The following ROR2 variants were observed in gnomAD, a reference collection of about 807,000 sequenced individuals.
ROR2 encodes ROR family WNT receptor 2.
ROR2 carries 33 observed loss-of-function variants against 74.9 expected under a neutral mutation model. The ratio of observed to expected loss-of-function variants is 0.44; its 90% CI spans 0.33 to 0.59. The LOEUF (loss-of-function observed/expected upper bound fraction) is 0.59, where lower values mean the gene tolerates loss of function less well. Among genes scored for constraint, ROR2 ranks in the 20% least tolerant of loss-of-function variants. The pLI, the probability that ROR2 is intolerant of heterozygous loss-of-function variation, is 0.02. For synonymous variants in ROR2, 586 were observed against 558.7 expected (o/e 1.05, Z -0.69); for missense variants, 1,216 against 1,313.8 (o/e 0.93, Z 1.15).
At chr9:91,827,103 T>C (rs566331693) in intron 1 of ROR2, among the ~76,000 whole-genome samples, 18 of 152,278 alleles carry the variant, frequency 1.2e-4, no homozygotes, top group African/African-American at 3.8e-4. Flanking sequence ...ATTTCATAAA[T>C]TGAACTTCCT....
intron 1 of ROR2, among the ~76,000 whole-genome samples, chr9:91,776,483 T>C (rs1406606005): frequency 6.6e-6 from 1 of 152,182 alleles, no homozygotes; most frequent in African/African-American, 2.4e-5. Flanking sequence ...CTGCAAACCA[T>C]ACACCTCTCC....
intron 1 of ROR2, among the ~76,000 whole-genome samples, chr9:91,843,833 T>C (rs16907873): frequency 0.17 from 25,175 of 152,190 alleles, 3,343 homozygotes; most frequent in African/African-American, 0.37. Context: ...CTCGTTTAGT[T>C]AGAAGGGCTT....
intron 1 of ROR2, among the ~76,000 whole-genome samples, chr9:91,922,314 T>A (rs150210527): frequency 6.6e-6 from 1 of 151,980 alleles, no homozygotes; most frequent in African/African-American, 2.4e-5. Context: ...CCAAAAGAAA[T>A]TGAAGACTTG....
At chr9:91,852,114 G>GT (rs1029170651) in intron 1 of ROR2, among the ~76,000 whole-genome samples, 7 of 151,552 alleles carry the variant, frequency 4.6e-5, no homozygotes, top group African/African-American at 4.9e-5. Flanking sequence ...GCTGCTACTG[G>GT]TTTTTTTTCT....
At chr9:91,857,990 C>CGGAT (rs1482355855) in intron 1 of ROR2, among the ~76,000 whole-genome samples, 4 of 152,150 alleles carry the variant, frequency 2.6e-5, no homozygotes, top group African/African-American at 9.7e-5. Context: ...ACAGGTCCTC[C>CGGAT]GGATATAGGC....
At chr9:91,752,185 T>C (rs1317861428) in intron 4 of ROR2, among the ~76,000 whole-genome samples, 3 of 152,172 alleles carry the variant, frequency 2.0e-5, no homozygotes, top group Non-Finnish European at 4.4e-5. Flanking sequence ...AGGAATGTCT[T>C]ATAAAATTAA....
At chr9:91,767,050 T>G (rs893174970) in intron 2 of ROR2, among the ~76,000 whole-genome samples, 9 of 150,694 alleles carry the variant, frequency 6.0e-5, no homozygotes, top group African/African-American at 2.2e-4. Context: ...CTGCTCTGTC[T>G]CACAGTCAGA....
intron 1 of ROR2, among the ~76,000 whole-genome samples, chr9:91,833,289 C>T (rs1471835846): frequency 6.6e-6 from 1 of 152,168 alleles, no homozygotes. Context: ...TGGGCTCCAG[C>T]GTCCTGCTCT....
intron 1 of ROR2, among the ~76,000 whole-genome samples, chr9:91,790,564 T>C (rs939508317): frequency 3.3e-5 from 5 of 152,066 alleles, no homozygotes; most frequent in Non-Finnish European, 7.4e-5. Flanking sequence ...TACATAATAC[T>C]TGATAATGAC....
chr9:91,835,069 G>A (rs55880094), intron 1 of ROR2, among the ~76,000 whole-genome samples: 22 of 151,248 alleles, frequency 1.5e-4, no homozygotes, highest in Non-Finnish European at 3.1e-4. Flanking sequence ...TGGTGATGGA[G>A]CTGAAGATGC....
rs968017211 is a variant in ROR2, at chr9:91,935,555, G to A, written c.97+14312C>T. ...TGCTGACAGCCCCACAATTCCAGCC[G>A]CCATGAGGATGTTTGCTTTTGTTGG... On this transcript the variant is annotated intron_variant, in intron 1 of 8. Transcript: ENST00000375708. Among the ~76,000 whole-genome samples, 9 of 152,190 alleles carry A rather than the reference G, an allele frequency of 5.9e-5. No homozygotes were observed. In the South Asian group the frequency reaches 1.0e-3, roughly 18 times the overall value.
At chr9:91,911,543 T>C (rs180717300) in intron 1 of ROR2, among the ~76,000 whole-genome samples, 137 of 152,248 alleles carry the variant, frequency 9.0e-4, no homozygotes, top group African/African-American at 3.1e-3. Flanking sequence ...TAAGCTTCAA[T>C]AAATAATTCA....
chr9:91,848,736 C>CA (rs1395161967), intron 1 of ROR2, among the ~76,000 whole-genome samples: 1 of 132,106 alleles, frequency 7.6e-6, no homozygotes, highest in Non-Finnish European at 1.5e-5. Flanking sequence ...GGCTGGGCGA[C>CA]AGAGTGAGAC....
intron 1 of ROR2, among the ~76,000 whole-genome samples, chr9:91,881,641 A>G (rs1391196098): frequency 6.6e-6 from 1 of 152,204 alleles, no homozygotes; most frequent in East Asian, 1.9e-4. Flanking sequence ...TTTTCTTCTA[A>G]ATACTGACAT....
intron 1 of ROR2, among the ~76,000 whole-genome samples, chr9:91,920,004 C>G (rs113749702): frequency 0.012 from 1,891 of 152,252 alleles, 43 homozygotes; most frequent in African/African-American, 0.042. Flanking sequence ...CTCCCTTGAC[C>G]CCCTCAGAAG....
At chr9:91,884,784 T>A (rs1830225333) in intron 1 of ROR2, among the ~76,000 whole-genome samples, 1 of 152,136 alleles carries the variant, frequency 6.6e-6, no homozygotes, top group Non-Finnish European at 1.5e-5. Context: ...GTCTTTTTTT[T>A]TTCTAAATGA....
chr9:91,734,832 G>A (rs922271072), intron 5 of ROR2, among the ~76,000 whole-genome samples: 1 of 152,206 alleles, frequency 6.6e-6, no homozygotes, highest in Admixed American at 6.5e-5. Flanking sequence ...CTGATTGTGT[G>A]CAGGCACTAC....
intron 1 of ROR2, among the ~76,000 whole-genome samples, chr9:91,887,919 G>A (rs1471807545): frequency 5.3e-5 from 8 of 150,160 alleles, no homozygotes; most frequent in South Asian, 2.1e-4. Flanking sequence ...AGCCTCCTGC[G>A]TAGCTGGGAT....
At chr9:91,820,248 G>A (rs1219303747) in intron 1 of ROR2, among the ~76,000 whole-genome samples, 5 of 152,186 alleles carry the variant, frequency 3.3e-5, no homozygotes, top group South Asian at 2.1e-4. Flanking sequence ...GAAGATGGAC[G>A]TGTTTCTCCT....
Sources: allele counts gnomAD v4.1 joint callset (sites outside exome capture counted in the v4.1 genomes callset), GRCh38; gene constraint gnomAD v4.1.1; transcripts MANE v1.5; gene names NCBI Gene and HGNC (gene_info 2026-07-23, HGNC 2026-07-21).